SMAD6: variants seen among roughly 807,000 people sequenced by gnomAD.
SMAD6 encodes SMAD family member 6.
In SMAD6, 103 loss-of-function variants were observed where a neutral mutation model predicts 39.4. The ratio of observed to expected loss-of-function variants is 2.62; its 90% CI spans 2.23 to 3.08. The LOEUF (loss-of-function observed/expected upper bound fraction) is 3.08, where lower values mean the gene tolerates loss of function less well. SMAD6 is among the 30% of genes most tolerant of loss of function. The pLI is 0.00. For missense variants in SMAD6, 1,104 were observed against 742.9 expected (o/e 1.49, Z -5.65); for synonymous variants, 445 against 353.3 (o/e 1.26, Z -2.91).
At chr15:66,710,898 G>C (rs996446690) in intron 1 of SMAD6, among the ~76,000 whole-genome samples, 1 of 152,212 alleles carries the variant, frequency 6.6e-6, no homozygotes, top group Non-Finnish European at 1.5e-5. Flanking sequence ...CCAACAGCTG[G>C]AAGTGACTGG....
At chr15:66,770,918 A>C (rs1440493523) in intron 3 of SMAD6, among the ~76,000 whole-genome samples, 2 of 152,168 alleles carry the variant, frequency 1.3e-5, no homozygotes, top group Non-Finnish European at 2.9e-5. Flanking sequence ...AGTCTGATGG[A>C]TGAGTCCTCT....
chr15:66,711,696 GTC>G lies in SMAD6; in HGVS notation c.849_850del (p.Pro284SerfsTer18). ...CTCCGCCACCTCCCTACTCTCGGCTGTCTCCTCGCGACGAGTACAAGCCACTG... is the reference window on the plus strand; with the variant it reads ...CTCCGCCACCTCCCTACTCTCGGCTGTCCTCGCGACGAGTACAAGCCACTG... ...ESPPPPYSRL[S>X]PRDEYKPLDL... On this transcript the variant is annotated frameshift_variant, in exon 2 of 4. Coordinates refer to ENST00000288840, the MANE Select transcript of SMAD6 (RefSeq NM_005585.5). LOFTEE classifies it high-confidence loss of function. 1 of 1,613,752 alleles carries G rather than the reference GTC, an allele frequency of 6.2e-7. No homozygotes were observed. Among genetic ancestry groups the G allele is most frequent in the Non-Finnish European group, 8.5e-7 (1 of 1,179,932 alleles).
chr15:66,744,721 A>G (rs112420144), intron 3 of SMAD6, among the ~76,000 whole-genome samples: 4,325 of 152,254 alleles, frequency 0.028, 185 homozygotes, highest in African/African-American at 0.097. Context: ...GAATCCAAGA[A>G]CGTTGGTAGA....
At chr15:66,753,271 G>C (rs76858075) in intron 3 of SMAD6, among the ~76,000 whole-genome samples, 1 of 152,162 alleles carries the variant, frequency 6.6e-6, no homozygotes, top group Non-Finnish European at 1.5e-5. Flanking sequence ...CTGTAAGAGG[G>C]TGTGCCCAGG....
At chr15:66,764,663 A>T (rs1367210566) in intron 3 of SMAD6, among the ~76,000 whole-genome samples, 1 of 152,154 alleles carries the variant, frequency 6.6e-6, no homozygotes, top group Non-Finnish European at 1.5e-5. Context: ...ACATACTGTA[A>T]GCTGTGTATG....
intron 3 of SMAD6, among the ~76,000 whole-genome samples, chr15:66,755,595 G>A (rs950128073): frequency 1.9e-4 from 29 of 152,302 alleles, no homozygotes; most frequent in African/African-American, 7.0e-4. Flanking sequence ...AGGATCTTCA[G>A]TGTTGAAGGC....
In SMAD6 at chr15:66,781,282, AC is replaced by A; in HGVS notation, c.1239del (p.Ser414ProfsTer125). The A allele has an allele frequency of 6.2e-7, 1 of 1,605,570 alleles. No individual in the cohort carries two copies. On this transcript the variant is annotated frameshift_variant, in exon 4 of 4. Transcript: ENST00000288840. LOFTEE classifies it high-confidence loss of function. ...YNRGEHPIFVNSPTLDAPGGR... is the reference protein window; with the variant it reads ...YNRGEHPIFVXSPTLDAPGGR... ...CGCGGCGAGCACCCCATCTTCGTCA[AC>A]TCCCCGACGCTGGACGCGCCCGGCG...
intron 2 of SMAD6, among the ~76,000 whole-genome samples, chr15:66,715,764 T>TAA (rs55742236): frequency 2.7e-4 from 28 of 103,038 alleles, no homozygotes; most frequent in Non-Finnish European, 4.0e-4. Flanking sequence ...TAAAACTACT[T>TAA]AAAAAAAAAA....
chr15:66,719,495 G>T (rs990574479), intron 3 of SMAD6, among the ~76,000 whole-genome samples: 1 of 152,058 alleles, frequency 6.6e-6, no homozygotes, highest in Non-Finnish European at 1.5e-5. Flanking sequence ...TGCCGATCCC[G>T]AGAGCCTTGT....
intron 3 of SMAD6, among the ~76,000 whole-genome samples, chr15:66,773,765 C>T (rs996655686): frequency 6.6e-6 from 1 of 152,284 alleles, no homozygotes; most frequent in African/African-American, 2.4e-5. Context: ...CCCTGGGCCC[C>T]TTTTCAGCTC....
intron 3 of SMAD6, among the ~76,000 whole-genome samples, chr15:66,739,747 C>T (rs1188066421): frequency 6.6e-6 from 1 of 152,172 alleles, no homozygotes; most frequent in Non-Finnish European, 1.5e-5. Context: ...CATAATCTGA[C>T]TGTCCAGAGA....
At chr15:66,754,413 C>G (rs1031586384) in intron 3 of SMAD6, among the ~76,000 whole-genome samples, 1 of 152,206 alleles carries the variant, frequency 6.6e-6, no homozygotes, top group Non-Finnish European at 1.5e-5. Context: ...CTTCCACTTG[C>G]ACGTGGACAT....
intron 3 of SMAD6, among the ~76,000 whole-genome samples, chr15:66,735,643 G>A (rs1313296439): frequency 2.0e-5 from 3 of 152,212 alleles, no homozygotes; most frequent in Non-Finnish European, 4.4e-5. Context: ...CAGCAAGAAT[G>A]TGGTCTCCAC....
At chr15:66,748,265 T>C (rs192150060) in intron 3 of SMAD6, among the ~76,000 whole-genome samples, 1 of 150,078 alleles carries the variant, frequency 6.7e-6, no homozygotes, top group East Asian at 1.9e-4. Flanking sequence ...GGCAAAAAAA[T>C]AGGGAGGAAT....
intron 3 of SMAD6, among the ~76,000 whole-genome samples, chr15:66,733,102 A>C (rs147337994): frequency 6.6e-6 from 1 of 152,250 alleles, no homozygotes; most frequent in East Asian, 1.9e-4. Context: ...TTTGTCTAAA[A>C]TAGTTGATAT....
At chr15:66,733,025 T>TC (rs764194248) in intron 3 of SMAD6, among the ~76,000 whole-genome samples, 102 of 152,144 alleles carry the variant, frequency 6.7e-4, no homozygotes, top group Non-Finnish European at 1.4e-3. Flanking sequence ...TTCTTTTTTT[T>TC]CATATAGAGG....
At chr15:66,727,100 TTC>T (rs1433611752) in intron 3 of SMAD6, among the ~76,000 whole-genome samples, 2 of 114,740 alleles carry the variant, frequency 1.7e-5, no homozygotes, top group African/African-American at 7.6e-5. Context: ...TTTCTTCTTC[TTC>T]TTTTTTTTTT....
chr15:66,746,613 C>T (rs1003089335), intron 3 of SMAD6, among the ~76,000 whole-genome samples: 4 of 152,150 alleles, frequency 2.6e-5, no homozygotes, highest in Non-Finnish European at 5.9e-5. Flanking sequence ...TTGAGACACC[C>T]TCTTGCATGT....
rs545016519 is a variant in SMAD6, at chr15:66,740,046, C to T, written c.952+23548C>T. ...TCATAAACATTGTTTTTGATGGCTG[C>T]GTTCTATTCTGGTCTATGGATCTAC... On this transcript the variant is annotated intron_variant, in intron 3 of 3. Coordinates refer to ENST00000288840, the MANE Select transcript of SMAD6 (RefSeq NM_005585.5). 5.3e-5 allele frequency among the ~76,000 whole-genome samples: 8 copies of T among 152,282 alleles called. No homozygotes were observed. In the South Asian group the frequency reaches 1.0e-3, roughly 20 times the overall value.
Sources: allele counts gnomAD v4.1 joint callset (sites outside exome capture counted in the v4.1 genomes callset), GRCh38; gene constraint gnomAD v4.1.1; transcripts MANE v1.5; gene names NCBI Gene and HGNC (gene_info 2026-07-23, HGNC 2026-07-21).